Variants in SLC9A4 observed in about 807,000 individuals in gnomAD.
SLC9A4 encodes sodium/hydrogen exchanger 4.
In SLC9A4, 63 loss-of-function variants were observed where a neutral mutation model predicts 67.4. The ratio of observed to expected loss-of-function variants is 0.93; its 90% confidence interval spans 0.76 to 1.15. The LOEUF (loss-of-function observed/expected upper bound fraction) is 1.15, where lower values mean the gene tolerates loss of function less well. SLC9A4 is among the 50% of genes most tolerant of loss of function. The pLI is 0.00. For synonymous variants in SLC9A4, 393 were observed against 367.2 expected (o/e 1.07, Z -0.80); for missense variants, 1,089 against 987.7 (o/e 1.10, Z -1.38).
intron 3 of SLC9A4, among the ~76,000 whole-genome samples, chr2:102,504,450 G>A (rs1028669052): frequency 8.5e-5 from 13 of 152,120 alleles, no homozygotes; most frequent in Non-Finnish European, 1.5e-5. Flanking sequence ...TAGACAGATG[G>A]GATAAGACTA....
chr2:102,482,692 T>C lies in SLC9A4; in HGVS notation c.720+3390T>C, dbSNP rs1477859357. On this transcript the variant is annotated intron_variant, in intron 2 of 11. Transcript: ENST00000295269. ...ACTCTCACCCGCACTACTGACAATG[T>C]CCTGGAGGGTGTTTATCTGTGACAA... Among the ~76,000 whole-genome samples the C allele has an allele frequency of 2.0e-5, 3 of 152,192 alleles. No individual in the cohort carries two copies. The East Asian group carries it at 5.8e-4, about 29-fold the overall frequency.
intron 2 of SLC9A4, among the ~76,000 whole-genome samples, chr2:102,491,284 A>AT (rs1378202658): frequency 1.2e-5 from 1 of 86,084 alleles, no homozygotes; most frequent in East Asian, 4.7e-4. Context: ...TTTCAACTGA[A>AT]TTTTTTTATT....
intron 9 of SLC9A4, among the ~76,000 whole-genome samples, chr2:102,522,737 A>T (rs989120881): frequency 6.6e-6 from 1 of 152,120 alleles, no homozygotes. Context: ...TCATGTTACC[A>T]TTTTTTAATA....
At chr2:102,475,180 A>G (rs1684301688) in intron 1 of SLC9A4, among the ~76,000 whole-genome samples, 2 of 152,266 alleles carry the variant, frequency 1.3e-5, no homozygotes, top group African/African-American at 2.4e-5. Flanking sequence ...TTTAAGAGGT[A>G]TACAAGTAAA....
At chr2:102,481,708 G>A (rs530717736) in intron 2 of SLC9A4, among the ~76,000 whole-genome samples, 43 of 151,972 alleles carry the variant, frequency 2.8e-4, no homozygotes, top group African/African-American at 9.6e-4. Context: ...AATTTTTTTA[G>A]ATTATGGTAT....
chr2:102,523,133 ATTT>A (rs33951404), intron 9 of SLC9A4, among the ~76,000 whole-genome samples: 57 of 148,310 alleles, frequency 3.8e-4, no homozygotes, highest in South Asian at 1.1e-3. Context: ...CACACCCAGC[ATTT>A]TTTTTTTTTT....
chr2:102,533,412 T>C lies in SLC9A4; in HGVS notation c.*724T>C, dbSNP rs948566086. ...AAACAGAGTTTAATAGCAATGATGT[T>C]AACAACAAGTATTTATAAGGGGTGC... On this transcript the variant is annotated 3_prime_UTR_variant, in exon 12 of 12. Transcript: ENST00000295269. The C allele has an allele frequency of 2.0e-5, 3 of 152,310 alleles. No homozygotes were observed. The East Asian group carries it at 5.6e-4, about 29-fold the overall frequency. The allele number at this position is 152,310 out of a possible 1,614,324, so 9.4% of individuals were successfully genotyped here.
At chr2:102,497,686 G>A (rs1684839004) in intron 2 of SLC9A4, among the ~76,000 whole-genome samples, 1 of 152,172 alleles carries the variant, frequency 6.6e-6, no homozygotes, top group Non-Finnish European at 1.5e-5. Context: ...GAGAAGGATG[G>A]ACTTCAAATG....
intron 2 of SLC9A4, among the ~76,000 whole-genome samples, chr2:102,483,841 T>TATACACACAC (rs370126753): frequency 1.7e-4 from 21 of 126,782 alleles, no homozygotes; most frequent in African/African-American, 5.9e-4. Flanking sequence ...TATATATATA[T>TATACACACAC]ACACACACAC....
At chr2:102,481,360 T>A (rs760189632) in intron 2 of SLC9A4, among the ~76,000 whole-genome samples, 2 of 152,220 alleles carry the variant, frequency 1.3e-5, no homozygotes, top group Non-Finnish European at 2.9e-5. Flanking sequence ...GGATTTCTCA[T>A]GTTTGTTTTA....
intron 8 of SLC9A4, among the ~76,000 whole-genome samples, chr2:102,517,192 A>T (rs1223391274): frequency 6.6e-6 from 1 of 152,190 alleles, no homozygotes; most frequent in African/African-American, 2.4e-5. Context: ...GACCTCTGTA[A>T]AAACATGCTA....
At chr2:102,498,592 T>C (rs983019926) in intron 2 of SLC9A4, among the ~76,000 whole-genome samples, 4 of 151,254 alleles carry the variant, frequency 2.6e-5, no homozygotes, top group African/African-American at 7.3e-5. Context: ...GACTCCTCAC[T>C]GTGGCTTCAC....
intron 2 of SLC9A4, among the ~76,000 whole-genome samples, chr2:102,498,819 C>T (rs1277904064): frequency 2.0e-5 from 3 of 152,018 alleles, no homozygotes; most frequent in Non-Finnish European, 4.4e-5. Context: ...ATAAAATAGA[C>T]CAGGATTTTA....
In SLC9A4 at chr2:102,532,503, G is replaced by A; in HGVS notation, c.2212G>A (p.Gly738Ser). ...QRNTSQEEYL[G>S]GVRRVALRPK... ...AAACACAAGCCAAGAAGAGTACTTG[G>A]GTGGAGTAAGGAGGGTGGCCTTAAG... The change falls in exon 12 of 12, where the codon GGT becomes AGT. Residue 738 changes from glycine to serine, a missense_variant. Coordinates refer to ENST00000295269, the MANE Select transcript of SLC9A4 (RefSeq NM_001011552.4). 1 of 1,614,162 alleles carries A rather than the reference G, an allele frequency of 6.2e-7. No individual in the cohort carries two copies. Among genetic ancestry groups the A allele is most frequent in the Non-Finnish European group, 8.5e-7 (1 of 1,180,028 alleles).
chr2:102,505,286 A>G lies in SLC9A4; in HGVS notation c.1013A>G (p.Tyr338Cys), dbSNP rs1685027013. ...GCCTGCGCAGTAACAATGAAAAAGT[A>G]CGTGGAAGAAAACGTGTCCCAGACA... ...ITACAVTMKK[Y>C]VEENVSQTSY... is the part of the protein sequence containing the mutation. The change falls in exon 4 of 12, where the codon TAC becomes TGC. Residue 338 changes from tyrosine (Y) to cysteine (C), a missense_variant. Physicochemically the swap from Tyr to Cys is radical, Grantham distance 194. Coordinates refer to ENST00000295269, the MANE Select transcript of SLC9A4 (RefSeq NM_001011552.4). The G allele has an allele frequency of 6.2e-7, 1 of 1,614,230 alleles. No individual in the cohort carries two copies. Among genetic ancestry groups the G allele is most frequent in the Non-Finnish European group, 8.5e-7 (1 of 1,180,034 alleles).
In SLC9A4 at chr2:102,525,047, C is replaced by A; in HGVS notation, c.1842C>A (p.Asn614Lys). ...RQRTLSYNKY[N>K]LKPQTSEKQA... is the part of the protein sequence containing the mutation. ...AGACCCTGTCCTACAACAAATACAACCTCAAACCCCAAACAAGTGAGAAGC... is the reference window on the plus strand; with the variant it reads ...AGACCCTGTCCTACAACAAATACAAACTCAAACCCCAAACAAGTGAGAAGC... Residue 614 changes from asparagine to lysine, a missense_variant, in exon 10 of 12, where the codon AAC becomes AAA. Physicochemically the swap from Asn to Lys is moderately conservative, Grantham distance 94 (BLOSUM62 0). Transcript: ENST00000295269. 6.2e-7 allele frequency: 1 copy of A among 1,614,056 alleles called. No individual in the cohort carries two copies. Among genetic ancestry groups the A allele is most frequent in the Admixed American group, 1.7e-5 (1 of 60,028 alleles).
At chr2:102,509,010 C>A in intron 6 of SLC9A4, 77 bp downstream of exon 6, 1 of 1,168,552 alleles carries the variant, frequency 8.6e-7, no homozygotes, top group South Asian at 1.4e-5. Context: ...GTGCACGTGT[C>A]ACTAGACTTC....
chr2:102,473,654 T>C lies in SLC9A4; in HGVS notation c.-106T>C, dbSNP rs920352354. ...TGGGAGGACCCACAGACTGTACCTA[T>C]ATTACTTTTGACCCAGGTGGATGCA... is the stretch of plus-strand genomic sequence containing the variant. On this transcript the variant is annotated 5_prime_UTR_variant, in exon 1 of 12. Coordinates refer to ENST00000295269, the MANE Select transcript of SLC9A4 (RefSeq NM_001011552.4). 19 of 1,401,726 alleles carry C rather than the reference T, an allele frequency of 1.4e-5. No individual in the cohort carries two copies. The Admixed American group carries it at 3.8e-4, about 28-fold the overall frequency. The allele number at this position is 1,401,726 out of a possible 1,614,324, so 86.8% of individuals were successfully genotyped here.
In SLC9A4 at chr2:102,493,245, C is replaced by T. The variant is rs1448098168; in HGVS notation, c.721-10203C>T. Among the ~76,000 whole-genome samples, 3 of 152,034 alleles carry T rather than the reference C, an allele frequency of 2.0e-5. 1 individual carries two copies. The highest frequency in any genetic ancestry group is 7.3e-5 in the African/African-American group (3 of 41,288). On this transcript the variant is annotated intron_variant, in intron 2 of 11. Coordinates refer to ENST00000295269, the MANE Select transcript of SLC9A4 (RefSeq NM_001011552.4). The stretch of plus-strand genomic sequence containing the variant: ...TGCCTGTTACCCAGTTCCAAAGTCA[C>T]TTTCACATTTTTGGGTATCCTTATA...
Sources: allele counts gnomAD v4.1 joint callset (sites outside exome capture counted in the v4.1 genomes callset), GRCh38; gene constraint gnomAD v4.1.1; transcripts MANE v1.5; gene names NCBI Gene and HGNC (gene_info 2026-07-23, HGNC 2026-07-21).